The following MC2R variants were observed in gnomAD, a reference collection of about 807,000 sequenced individuals.
MC2R encodes adrenocorticotropic hormone receptor.
Under a neutral mutation model 9.8 loss-of-function variants are expected in MC2R, and 9 were observed. The ratio of observed to expected loss-of-function variants is 0.92; its 90% confidence interval spans 0.55 to 1.60. The LOEUF (loss-of-function observed/expected upper bound fraction) is 1.60, where lower values mean the gene tolerates loss of function less well. Ranked by LOEUF, MC2R falls within the 40% of genes most tolerant of loss-of-function variation. The pLI, the probability that MC2R is intolerant of heterozygous loss-of-function variation, is 0.00. For missense variants in MC2R, 370 were observed against 389.0 expected (o/e 0.95, Z 0.41); for synonymous variants, 185 against 154.7 (o/e 1.20, Z -1.45).
intron 1 of MC2R, among the ~76,000 whole-genome samples, chr18:13,915,203 G>A (rs1384205178): frequency 6.6e-6 from 1 of 152,224 alleles, no homozygotes; most frequent in African/African-American, 2.4e-5. Flanking sequence ...ACTGGCTGTA[G>A]TCCTTGAATA....
intron 1 of MC2R, among the ~76,000 whole-genome samples, chr18:13,913,944 C>G (rs2045461508): frequency 6.6e-6 from 1 of 152,156 alleles, no homozygotes; most frequent in Non-Finnish European, 1.5e-5. Context: ...TTATATTTGC[C>G]TAATGAAGGC....
rs2045249156 is a variant in MC2R, at chr18:13,883,618, C to T, written c.*1007G>A. On this transcript the variant is annotated 3_prime_UTR_variant, in exon 2 of 2. Coordinates refer to ENST00000327606, the MANE Select transcript of MC2R (RefSeq NM_000529.2). Reference sequence around the variant, plus strand: ...ACACACACACACACACACACACACACACACACACACTCTCTCTCTCTCTCT... The same window carrying T: ...ACACACACACACACACACACACACATACACACACACTCTCTCTCTCTCTCT... 1.3e-5 allele frequency: 1 copy of T among 74,902 alleles called. No homozygotes were observed. Among genetic ancestry groups the T allele is most frequent in the Non-Finnish European group, 2.9e-5 (1 of 34,204 alleles). The allele number at this position is 74,902 out of a possible 1,614,324, so 4.6% of individuals were successfully genotyped here. A position where few individuals can be genotyped will look rare whatever the true frequency, so the allele number is the denominator to read the frequency against.
intron 1 of MC2R, among the ~76,000 whole-genome samples, chr18:13,888,876 A>G (rs976083782): frequency 6.6e-6 from 1 of 152,140 alleles, no homozygotes; most frequent in East Asian, 1.9e-4. Context: ...GGCTTAAAGA[A>G]CTTGGATAGG....
chr18:13,895,521 G>C (rs1000520784), intron 1 of MC2R, among the ~76,000 whole-genome samples: 2 of 152,306 alleles, frequency 1.3e-5, no homozygotes, highest in Middle Eastern at 3.4e-3. Flanking sequence ...AGAGTCAGGA[G>C]AGGTTTTTAT....
At chr18:13,915,221 A>G (rs17624314) in intron 1 of MC2R, among the ~76,000 whole-genome samples, 14,077 of 152,288 alleles carry the variant, frequency 0.092, 722 homozygotes, top group Middle Eastern at 0.15. Flanking sequence ...ATAGAGCTCA[A>G]TGACAATTTG....
chr18:13,900,163 A>G (rs949057100), intron 1 of MC2R, among the ~76,000 whole-genome samples: 2 of 152,144 alleles, frequency 1.3e-5, no homozygotes, highest in Non-Finnish European at 2.9e-5. Context: ...TTGTTTGTTT[A>G]TGCAAACAAT....
intron 1 of MC2R, among the ~76,000 whole-genome samples, chr18:13,904,948 A>G (rs1035711221): frequency 6.6e-6 from 1 of 152,228 alleles, no homozygotes; most frequent in African/African-American, 2.4e-5. Flanking sequence ...AAGAAAACCT[A>G]GGCAATACCA....
chr18:13,899,896 C>A (rs1042687010), intron 1 of MC2R, among the ~76,000 whole-genome samples: 1 of 152,010 alleles, frequency 6.6e-6, no homozygotes, highest in Non-Finnish European at 1.5e-5. Flanking sequence ...TGTTAATGAG[C>A]AATAAGTAAT....
intron 1 of MC2R, among the ~76,000 whole-genome samples, chr18:13,911,211 C>T (rs13381159): frequency 0.064 from 9,721 of 152,168 alleles, 989 homozygotes; most frequent in African/African-American, 0.22. Flanking sequence ...GCCGGGCAGC[C>T]GAGAGCAGGG....
At chr18:13,912,707 C>T (rs1429554761) in intron 1 of MC2R, among the ~76,000 whole-genome samples, 1 of 152,168 alleles carries the variant, frequency 6.6e-6, no homozygotes, top group Admixed American at 6.5e-5. Flanking sequence ...TGCTAGGGCC[C>T]AGTCACTGTC....
At chr18:13,888,795 A>G (rs1031232572) in intron 1 of MC2R, among the ~76,000 whole-genome samples, 1 of 152,102 alleles carries the variant, frequency 6.6e-6, no homozygotes, top group Non-Finnish European at 1.5e-5. Context: ...AGCAAAACTC[A>G]CTCCATTTAA....
At chr18:13,910,141 C>T (rs767789365) in intron 1 of MC2R, among the ~76,000 whole-genome samples, 6 of 152,160 alleles carry the variant, frequency 3.9e-5, no homozygotes, top group South Asian at 2.1e-4. Flanking sequence ...CTCATATGAA[C>T]GTCCAATTGT....
Position 13,909,290 on chromosome 18 carries a change from C to G in MC2R, c.-129+6198G>C, listed in dbSNP as rs190928767. The stretch of plus-strand genomic sequence containing the variant: ...ACCACAAGATGTAAACTATCATTCT[C>G]ATTACATCACATCAAGGGACACGCT... On this transcript the variant is annotated intron_variant, in intron 1 of 1. Transcript: ENST00000327606. Among the ~76,000 whole-genome samples the G allele has an allele frequency of 1.5e-3, 221 of 152,316 alleles. 2 individuals carry two copies. The highest frequency in any genetic ancestry group is 5.2e-3 in the African/African-American group (215 of 41,578).
chr18:13,884,300 G>T lies in MC2R; in HGVS notation c.*325C>A, dbSNP rs1472416756. 2 of 383,944 alleles carry T rather than the reference G, an allele frequency of 5.2e-6. No homozygotes were observed. Among genetic ancestry groups the T allele is most frequent in the Non-Finnish European group, 9.8e-6 (2 of 203,468 alleles). 23.8% of individuals were successfully genotyped at this position (383,944 alleles called of 1,614,324 possible). A position where few individuals can be genotyped will look rare whatever the true frequency, so the allele number is the denominator to read the frequency against. On this transcript the variant is annotated 3_prime_UTR_variant, in exon 2 of 2. Transcript: ENST00000327606. ...TTGAATTTTTATTGCTGTTTTACTA[G>T]ATTGGTGCAAAAGTAATTGCAATTT...
At chr18:13,913,194 G>A (rs1451252902) in intron 1 of MC2R, among the ~76,000 whole-genome samples, 1 of 149,238 alleles carries the variant, frequency 6.7e-6, no homozygotes, top group African/African-American at 2.5e-5. Context: ...GGAGTGTTCT[G>A]GTTGGAAATC....
Position 13,896,026 on chromosome 18 carries a change from C to T in MC2R, c.-128-10380G>A, listed in dbSNP as rs528151024. Among the ~76,000 whole-genome samples, 15 of 151,960 alleles carry T rather than the reference C, an allele frequency of 9.9e-5. No homozygotes were observed. In the East Asian group the frequency reaches 1.2e-3, roughly 12 times the overall value. On this transcript the variant is annotated intron_variant, in intron 1 of 1. Coordinates refer to ENST00000327606, the MANE Select transcript of MC2R (RefSeq NM_000529.2). ...TAGATTGGTATTTGAATATTTAATTCGAATATTAAGAGATATGACTATTTT... is the reference window on the plus strand; with the variant it reads ...TAGATTGGTATTTGAATATTTAATTTGAATATTAAGAGATATGACTATTTT...
intron 1 of MC2R, among the ~76,000 whole-genome samples, chr18:13,902,714 A>G (rs1369733913): frequency 6.6e-6 from 1 of 152,170 alleles, no homozygotes; most frequent in African/African-American, 2.4e-5. Flanking sequence ...AGACTTAAAT[A>G]TAAGACCTCA....
rs147752118 is a variant in MC2R, at chr18:13,899,065, G to T, written c.-128-13419C>A. On this transcript the variant is annotated intron_variant, in intron 1 of 1. Transcript: ENST00000327606. ...AGAAAAAGAGATATATGACCTTTCAGACAGAGAATTCAAAACACCTGTATT... is the reference window on the plus strand; with the variant it reads ...AGAAAAAGAGATATATGACCTTTCATACAGAGAATTCAAAACACCTGTATT... Among the ~76,000 whole-genome samples the T allele has an allele frequency of 1.2e-3, 181 of 152,234 alleles. 4 individuals carry two copies. In the Middle Eastern group the frequency reaches 0.017, roughly 14 times the overall value.
chr18:13,903,112 T>C (rs2045390580), intron 1 of MC2R, among the ~76,000 whole-genome samples: 1 of 152,148 alleles, frequency 6.6e-6, no homozygotes. Flanking sequence ...CATTGATCAT[T>C]AGAGTAATGC....
Sources: allele counts gnomAD v4.1 joint callset (sites outside exome capture counted in the v4.1 genomes callset), GRCh38; gene constraint gnomAD v4.1.1; transcripts MANE v1.5; gene names NCBI Gene and HGNC (gene_info 2026-07-23, HGNC 2026-07-21).